CEP112: variants seen among roughly 807,000 people sequenced by gnomAD.
The protein encoded by CEP112 is centrosomal protein 112.
A neutral mutation model predicts 153.0 loss-of-function variants in CEP112; 127 were observed. The observed-to-expected ratio is 0.83, with a 90% CI of 0.72 to 0.96. The LOEUF (loss-of-function observed/expected upper bound fraction) is 0.96, where lower values mean the gene tolerates loss of function less well. Ranked by LOEUF, CEP112 falls within the 40% of genes least tolerant of loss-of-function variation. The pLI is 0.00. For synonymous variants in CEP112, 358 were observed against 374.4 expected, an observed-to-expected ratio of 0.96 and a Z score of 0.51; for missense variants, 1,089 against 1,101.2, an observed-to-expected ratio of 0.99 and a Z score of 0.16.
chr17:66,175,037 T>A lies in CEP112; in HGVS notation c.470+7A>T. 6.5e-7 allele frequency: 1 copy of A among 1,548,866 alleles called. No homozygotes were observed. Among genetic ancestry groups the A allele is most frequent in the South Asian group, 1.3e-5 (1 of 79,730 alleles). ...AACACATTCAAAATCCCATTCTCTT[T>A]ACATACCTGTAGACATCAGTTGGCG... is the stretch of plus-strand genomic sequence containing the variant. On this transcript the variant is annotated splice_region_variant and intron_variant, in intron 4 of 26. Transcript: ENST00000535342.
At chr17:66,101,673 A>G (rs2068575620) in intron 6 of CEP112, among the ~76,000 whole-genome samples, 1 of 152,072 alleles carries the variant, frequency 6.6e-6, no homozygotes, top group African/African-American at 2.4e-5. Flanking sequence ...CATAAACCTA[A>G]TTGATAATTA....
chr17:65,695,084 G>A (rs1490739876), intron 23 of CEP112, among the ~76,000 whole-genome samples: 1 of 152,166 alleles, frequency 6.6e-6, no homozygotes, highest in Non-Finnish European at 1.5e-5. Context: ...CTGGCTGTGG[G>A]AAGCTACACC....
intron 4 of CEP112, among the ~76,000 whole-genome samples, chr17:66,139,919 A>T (rs559041271): frequency 6.6e-6 from 1 of 152,338 alleles, no homozygotes; most frequent in South Asian, 2.1e-4. Flanking sequence ...ATACTCCCAA[A>T]TTCATTTTAC....
chr17:66,187,843 A>G (rs1043071776), intron 1 of CEP112, among the ~76,000 whole-genome samples: 3 of 152,158 alleles, frequency 2.0e-5, no homozygotes, highest in African/African-American at 7.2e-5. Flanking sequence ...TATGTCCAAG[A>G]AAACAATCCT....
chr17:66,071,310 T>A (rs1888352034), intron 8 of CEP112, among the ~76,000 whole-genome samples: 1 of 152,124 alleles, frequency 6.6e-6, no homozygotes, highest in African/African-American at 2.4e-5. Flanking sequence ...CCCTTGCCTC[T>A]AAATCACACA....
chr17:65,730,105 T>C (rs1260127171), intron 23 of CEP112, among the ~76,000 whole-genome samples: 1 of 152,240 alleles, frequency 6.6e-6, no homozygotes, highest in African/African-American at 2.4e-5. Context: ...AATTGATTCC[T>C]TAACGTACAC....
At chr17:65,834,149 T>C (rs1465746582) in intron 21 of CEP112, among the ~76,000 whole-genome samples, 4 of 152,220 alleles carry the variant, frequency 2.6e-5, no homozygotes, top group Non-Finnish European at 5.9e-5. Context: ...GCTAGCCGTA[T>C]GCATAAGACT....
At chr17:66,048,854 C>T (rs1292269676) in intron 12 of CEP112, among the ~76,000 whole-genome samples, 1 of 152,136 alleles carries the variant, frequency 6.6e-6, no homozygotes, top group Non-Finnish European at 1.5e-5. Context: ...GGTGATTCGC[C>T]CACCTCGGCC....
chr17:65,656,358 T>C (rs2046064612), intron 24 of CEP112, among the ~76,000 whole-genome samples: 1 of 152,250 alleles, frequency 6.6e-6, no homozygotes, highest in Non-Finnish European at 1.5e-5. Context: ...TACCTAGAGT[T>C]AGCCCTGTCT....
At chr17:65,907,016 G>C (rs2060109202) in intron 19 of CEP112, among the ~76,000 whole-genome samples, 1 of 152,188 alleles carries the variant, frequency 6.6e-6, no homozygotes, top group Non-Finnish European at 1.5e-5. Context: ...GAAATATTGG[G>C]AGAAGGGATG....
intron 18 of CEP112, among the ~76,000 whole-genome samples, chr17:65,938,414 TAA>T (rs1555722412): frequency 7.6e-5 from 4 of 52,896 alleles, no homozygotes; most frequent in Non-Finnish European, 1.6e-4. Context: ...GAATGATCAA[TAA>T]AAAAAAAAAA....
chr17:65,781,522 A>C (rs6504358), intron 21 of CEP112, among the ~76,000 whole-genome samples: 79,922 of 147,580 alleles, frequency 0.54, 22,909 homozygotes, highest in Non-Finnish European at 0.66. Context: ...CATATGGAAC[A>C]AAAAAAAAAG....
chr17:66,165,885 G>T lies in CEP112; in HGVS notation c.470+9159C>A, dbSNP rs78575489. Reference sequence around the variant, plus strand: ...ATAAAGCAAGTCACATTTTCCATAAGGGCAGGACCATAATTAGAATCTTCA... The same window carrying T: ...ATAAAGCAAGTCACATTTTCCATAATGGCAGGACCATAATTAGAATCTTCA... On this transcript the variant is annotated intron_variant, in intron 4 of 26. Coordinates refer to ENST00000535342, the MANE Select transcript of CEP112 (RefSeq NM_001199165.4). 5.2e-3 allele frequency among the ~76,000 whole-genome samples: 789 copies of T among 152,184 alleles called. 5 individuals carry two copies. The highest frequency in any genetic ancestry group is 0.018 in the African/African-American group (735 of 41,514).
At chr17:65,835,867 G>A (rs182339930) in intron 21 of CEP112, among the ~76,000 whole-genome samples, 224 of 152,304 alleles carry the variant, frequency 1.5e-3, no homozygotes, top group African/African-American at 5.2e-3. Flanking sequence ...TATGTGTTCA[G>A]CATGCAGACT....
intron 21 of CEP112, chr17:65,751,102 T>C (rs951688783): frequency 5.8e-6 from 1 of 173,864 alleles, no homozygotes; most frequent in African/African-American, 2.4e-5. Context: ...GGAAGGTAAA[T>C]TTAATACTTT....
chr17:66,097,317 C>T (rs2068388731), intron 6 of CEP112, among the ~76,000 whole-genome samples: 1 of 152,116 alleles, frequency 6.6e-6, no homozygotes, highest in Non-Finnish European at 1.5e-5. Context: ...GTTTAAAAAT[C>T]ATCTCCCCCA....
intron 4 of CEP112, among the ~76,000 whole-genome samples, chr17:66,170,034 T>A (rs772039437): frequency 6.6e-6 from 1 of 152,172 alleles, no homozygotes; most frequent in Non-Finnish European, 1.5e-5. Flanking sequence ...TCCTTATGGC[T>A]ATCTGATTCA....
chr17:65,669,843 C>A (rs892321905), intron 24 of CEP112, among the ~76,000 whole-genome samples: 2 of 147,682 alleles, frequency 1.4e-5, no homozygotes, highest in African/African-American at 5.0e-5. Flanking sequence ...GCGGAGGTTG[C>A]GGTGAGCCGA....
chr17:65,938,114 T>C (rs1242941171), intron 18 of CEP112, among the ~76,000 whole-genome samples: 1 of 117,672 alleles, frequency 8.5e-6, no homozygotes, highest in Non-Finnish European at 1.8e-5. Flanking sequence ...ATCTGTGACC[T>C]TACCCCCAAC....
Sources: gnomAD v4.1 joint callset for allele counts (sites outside exome capture counted in the v4.1 genomes callset) on GRCh38, gnomAD v4.1.1 for gene constraint, MANE v1.5 for transcripts, NCBI Gene and HGNC (gene_info 2026-07-23, HGNC 2026-07-21) for gene names.